The following PRR16 variants were observed in gnomAD, a reference collection of about 807,000 sequenced individuals.
PRR16 encodes the protein protein Largen.
Under a neutral mutation model 18.2 loss-of-function variants are expected in PRR16, and 6 were observed. The ratio of observed to expected loss-of-function variants is 0.33; its 90% CI spans 0.18 to 0.65. The LOEUF (loss-of-function observed/expected upper bound fraction) is 0.65, where lower values mean the gene tolerates loss of function less well. Ranked by LOEUF, PRR16 falls within the 30% of genes least tolerant of loss-of-function variation. The pLI, the probability that PRR16 is intolerant of heterozygous loss-of-function variation, is 0.74. For synonymous variants in PRR16, 151 were observed against 147.8 expected, an observed-to-expected ratio of 1.02 and a Z score of -0.16; for missense variants, 412 against 376.6, an observed-to-expected ratio of 1.09 and a Z score of -0.78.
chr5:120,610,843 GA>G (rs1437764358), intron 1 of PRR16, among the ~76,000 whole-genome samples: 3 of 152,126 alleles, frequency 2.0e-5, no homozygotes, highest in Non-Finnish European at 4.4e-5. Context: ...TGAAATTGTG[GA>G]AGTGACTTTG....
Position 120,637,317 on chromosome 5 carries a change from GAAAAAAA to G in PRR16, c.160-48617_160-48611del, listed in dbSNP as rs372136712. ...CCGGAGGAAAGTAAGCCATTATACG[GAAAAAAA>G]AAAAAAAAAAAAAAAAAAACTTGCA... On this transcript the variant is annotated intron_variant, in intron 1 of 1. Coordinates refer to ENST00000407149, the MANE Select transcript of PRR16 (RefSeq NM_001300783.2). Among the ~76,000 whole-genome samples, 7 of 62,634 alleles carry G rather than the reference GAAAAAAA, an allele frequency of 1.1e-4. 1 individual carries two copies. Among genetic ancestry groups the G allele is most frequent in the Non-Finnish European group, 1.9e-4 (7 of 36,982 alleles). 41.1% of individuals were successfully genotyped at this position (62,634 alleles called of 152,430 possible). A position where few individuals can be genotyped will look rare whatever the true frequency, so the allele number is the denominator to read the frequency against.
At chr5:120,493,498 C>T (rs533767547) in intron 1 of PRR16, among the ~76,000 whole-genome samples, 2 of 152,084 alleles carry the variant, frequency 1.3e-5, no homozygotes, top group East Asian at 1.9e-4. Flanking sequence ...GATTCTCATG[C>T]AGTTATAAGA....
At chr5:120,484,345 G>T (rs1749718442) in intron 1 of PRR16, among the ~76,000 whole-genome samples, 1 of 44,508 alleles carries the variant, frequency 2.2e-5, no homozygotes, top group South Asian at 1.2e-3. Context: ...TATATACTTT[G>T]TATTACATAT....
chr5:120,748,254 G>T, the PRR16 span, among the ~76,000 whole-genome samples: 1 of 152,010 alleles, frequency 6.6e-6, no homozygotes, highest in African/African-American at 2.4e-5. Flanking sequence ...TAGTGAGGTT[G>T]ATGATTTTTA....
chr5:120,524,805 A>G (rs1751298373), intron 1 of PRR16, among the ~76,000 whole-genome samples: 1 of 152,132 alleles, frequency 6.6e-6, no homozygotes, highest in Non-Finnish European at 1.5e-5. Context: ...CTATAAATAT[A>G]TACACCTACT....
chr5:120,585,110 G>A (rs190953882), intron 1 of PRR16, among the ~76,000 whole-genome samples: 1 of 152,246 alleles, frequency 6.6e-6, no homozygotes. Flanking sequence ...TAAAATTAAT[G>A]GACTTTGAAT....
the PRR16 span, among the ~76,000 whole-genome samples, chr5:120,697,233 A>G: frequency 6.8e-3 from 1,030 of 152,290 alleles, 20 homozygotes; most frequent in African/African-American, 0.024. Context: ...GCTTTTAGTT[A>G]GGTTTATATT....
In PRR16 at chr5:120,553,814, T is replaced by C. The variant is rs545495323; in HGVS notation, c.159+89169T>C. Among the ~76,000 whole-genome samples, 100 of 151,900 alleles carry C rather than the reference T, an allele frequency of 6.6e-4. 3 individuals carry two copies. In the Middle Eastern group the frequency reaches 0.051, roughly 77 times the overall value. The stretch of plus-strand genomic sequence containing the variant: ...TTACAACTTGGTATATTATTACCAA[T>C]GGAAAAAAACATACTCAGATTATAT... On this transcript the variant is annotated intron_variant, in intron 1 of 1. Coordinates refer to ENST00000407149, the MANE Select transcript of PRR16 (RefSeq NM_001300783.2).
At chr5:120,586,686 T>G (rs961979635) in intron 1 of PRR16, among the ~76,000 whole-genome samples, 2 of 152,164 alleles carry the variant, frequency 1.3e-5, no homozygotes, top group Non-Finnish European at 2.9e-5. Flanking sequence ...GTGTATGTTC[T>G]GACTACTACA....
At chr5:120,656,401 T>C (rs1373582629) in intron 1 of PRR16, among the ~76,000 whole-genome samples, 4 of 143,806 alleles carry the variant, frequency 2.8e-5, no homozygotes. Flanking sequence ...TCTTCCTCCA[T>C]AATCTATCAT....
rs552694091 is a variant in PRR16 at position 120,491,708 on chromosome 5, T to A, written c.159+27063T>A. On this transcript the variant is annotated intron_variant, in intron 1 of 1. Transcript: ENST00000407149. ...ACAGCCACCCGCCACCACACCCATC[T>A]AATTTTTGTATTTTTATTAGAGACA... 1.2e-4 allele frequency among the ~76,000 whole-genome samples: 18 copies of A among 152,172 alleles called. No individual in the cohort carries two copies. The East Asian group carries it at 3.5e-3, about 29-fold the overall frequency.
the PRR16 span, among the ~76,000 whole-genome samples, chr5:120,791,985 G>T: frequency 6.6e-6 from 1 of 152,066 alleles, no homozygotes; most frequent in South Asian, 2.1e-4. Flanking sequence ...GAATCAAATT[G>T]CCAGTTCCTG....
the PRR16 span, among the ~76,000 whole-genome samples, chr5:120,731,986 G>A: frequency 6.6e-6 from 1 of 152,142 alleles, no homozygotes; most frequent in Non-Finnish European, 1.5e-5. Context: ...CTACAAATGG[G>A]TCTTGACAGG....
At chr5:120,662,514 G>A (rs1756211173) in intron 1 of PRR16, among the ~76,000 whole-genome samples, 1 of 151,714 alleles carries the variant, frequency 6.6e-6, no homozygotes, top group South Asian at 2.1e-4. Context: ...TATTTTTGTA[G>A]CACAAAACGC....
At chr5:120,767,558 G>T in the PRR16 span, among the ~76,000 whole-genome samples, 1 of 151,680 alleles carries the variant, frequency 6.6e-6, no homozygotes, top group African/African-American at 2.4e-5. Flanking sequence ...AAGATTTTTT[G>T]TCATCTGAGT....
intron 1 of PRR16, among the ~76,000 whole-genome samples, chr5:120,650,146 A>G (rs997859419): frequency 1.3e-5 from 2 of 151,410 alleles, no homozygotes; most frequent in Admixed American, 6.6e-5. Flanking sequence ...TGAACCCGGA[A>G]GTGGAGGTTG....
At chr5:120,776,691 T>C in the PRR16 span, among the ~76,000 whole-genome samples, 1 of 152,116 alleles carries the variant, frequency 6.6e-6, no homozygotes, top group Admixed American at 6.6e-5. Context: ...ATAACAGATA[T>C]TGTTTAAATT....
intron 1 of PRR16, among the ~76,000 whole-genome samples, chr5:120,665,627 T>A (rs1288177254): frequency 6.6e-6 from 1 of 152,100 alleles, no homozygotes; most frequent in Non-Finnish European, 1.5e-5. Flanking sequence ...CTCGAATTAA[T>A]TTTTGTGTAA....
At chr5:120,599,380 G>A (rs1753910987) in intron 1 of PRR16, among the ~76,000 whole-genome samples, 1 of 151,700 alleles carries the variant, frequency 6.6e-6, no homozygotes. Context: ...TTTGAATATA[G>A]TTACTGAAAT....
Sources: allele counts gnomAD v4.1 joint callset (sites outside exome capture counted in the v4.1 genomes callset), GRCh38; gene constraint gnomAD v4.1.1; transcripts MANE v1.5; gene names NCBI Gene and HGNC (gene_info 2026-07-23, HGNC 2026-07-21).